Variants in NTM observed in about 807,000 individuals in gnomAD.
NTM encodes the protein neurotrimin.
In NTM, 13 loss-of-function variants were observed where a neutral mutation model predicts 42.1. The ratio of observed to expected loss-of-function variants is 0.31; its 90% CI spans 0.20 to 0.49. The LOEUF (loss-of-function observed/expected upper bound fraction) is 0.49, where lower values mean the gene tolerates loss of function less well. Ranked by LOEUF, NTM falls within the 20% of genes least tolerant of loss-of-function variation. The probability of loss-of-function intolerance (pLI) is 0.99; values close to 1 mark genes in which losing one functional copy is unlikely to be tolerated. For missense variants in NTM, 373 were observed against 452.8 expected (o/e 0.82, Z 1.60); for synonymous variants, 187 against 179.2 (o/e 1.04, Z -0.35).
chr11:131,604,371 T>C (rs2060749072), intron 1 of NTM, among the ~76,000 whole-genome samples: 1 of 152,176 alleles, frequency 6.6e-6, no homozygotes, highest in African/African-American at 2.4e-5. Flanking sequence ...ATTTTTTAAA[T>C]TGAGTATTTG....
chr11:132,326,340 G>T (rs990895954), intron 7 of NTM, among the ~76,000 whole-genome samples: 5 of 151,958 alleles, frequency 3.3e-5, no homozygotes, highest in Admixed American at 6.6e-5. Flanking sequence ...CTCAGGTAGG[G>T]GTTTTTAACA....
intron 4 of NTM, among the ~76,000 whole-genome samples, chr11:132,257,571 C>T (rs2092579947): frequency 6.6e-6 from 1 of 152,174 alleles, no homozygotes; most frequent in African/African-American, 2.4e-5. Flanking sequence ...CTGAAGAAGC[C>T]AGCATGACAA....
chr11:132,029,704 A>G (rs2075675010), intron 2 of NTM, among the ~76,000 whole-genome samples: 1 of 152,212 alleles, frequency 6.6e-6, no homozygotes, highest in Admixed American at 6.5e-5. Context: ...AAATAGAGTG[A>G]ACATCGGCTT....
At chr11:132,164,576 G>A (rs11827507) in intron 3 of NTM, among the ~76,000 whole-genome samples, 43,618 of 151,920 alleles carry the variant, frequency 0.29, 6,895 homozygotes, top group Non-Finnish European at 0.36. Flanking sequence ...GTGGAACCTC[G>A]GTGACGATGG....
At chr11:131,727,454 C>G (rs2079099989) in intron 1 of NTM, among the ~76,000 whole-genome samples, 1 of 152,162 alleles carries the variant, frequency 6.6e-6, no homozygotes, top group Non-Finnish European at 1.5e-5. Context: ...AAAAGGGAGC[C>G]TGCTTGTGAA....
At chr11:132,252,018 C>CCGT (rs2091990842) in intron 4 of NTM, among the ~76,000 whole-genome samples, 1 of 152,170 alleles carries the variant, frequency 6.6e-6, no homozygotes, top group South Asian at 2.1e-4. Context: ...GGAGGCAAGG[C>CCGT]CGTGGCCTTC....
At chr11:131,605,612 G>C (rs1248305135) in intron 1 of NTM, 3 of 163,864 alleles carry the variant, frequency 1.8e-5, no homozygotes, top group African/African-American at 7.2e-5. Flanking sequence ...TCCTAGTACA[G>C]TTCCTAATCT....
chr11:131,413,885 A>G (rs529094103), intron 1 of NTM, among the ~76,000 whole-genome samples: 1 of 152,190 alleles, frequency 6.6e-6, no homozygotes, highest in Admixed American at 6.5e-5. Context: ...AGGGGAGACG[A>G]GGAGGGCAGG....
chr11:131,504,303 T>C (rs6590582), intron 1 of NTM, among the ~76,000 whole-genome samples: 31,436 of 152,008 alleles, frequency 0.21, 5,288 homozygotes, highest in African/African-American at 0.47. Flanking sequence ...GCTCACATTC[T>C]GGAGAAAACA....
chr11:131,792,474 C>T (rs2091067077), intron 1 of NTM, among the ~76,000 whole-genome samples: 1 of 152,126 alleles, frequency 6.6e-6, no homozygotes, highest in Non-Finnish European at 1.5e-5. Flanking sequence ...TGGGATAGAT[C>T]AATCAAATTC....
chr11:132,166,045 G>C (rs1345012436), intron 3 of NTM, among the ~76,000 whole-genome samples: 1 of 152,014 alleles, frequency 6.6e-6, no homozygotes, highest in African/African-American at 2.4e-5. Context: ...TTCACCTAAA[G>C]CTCTTTATGG....
intron 1 of NTM, among the ~76,000 whole-genome samples, chr11:131,802,253 G>T (rs1042451446): frequency 6.6e-6 from 1 of 152,148 alleles, no homozygotes; most frequent in African/African-American, 2.4e-5. Context: ...CTCCCATTTA[G>T]AATTAATTCA....
Position 132,110,113 on chromosome 11 carries a change from A to C in NTM, c.168-36169A>C, listed in dbSNP as rs552902980. Among the ~76,000 whole-genome samples the C allele has an allele frequency of 5.3e-5, 8 of 152,318 alleles. No individual in the cohort carries two copies. The East Asian group carries it at 1.5e-3, about 29-fold the overall frequency. On this transcript the variant is annotated intron_variant, in intron 2 of 8. Transcript: ENST00000683400. Reference sequence around the variant, plus strand: ...GAGAACTTACTGCTCTCTGCAATAAACTTGCATCTTTTTTCTTCCTGTTTC... The same window carrying C: ...GAGAACTTACTGCTCTCTGCAATAACCTTGCATCTTTTTTCTTCCTGTTTC...
chr11:131,767,100 CAAGGCAGT>C (rs1219245891), intron 1 of NTM: 1 of 971,872 alleles, frequency 1.0e-6, no homozygotes, highest in African/African-American at 1.8e-5. Context: ...GAACTCTGGA[CAAGGCAGT>C]AAGTAAGTCT....
chr11:131,589,249 C>T (rs2059155236), intron 1 of NTM, among the ~76,000 whole-genome samples: 1 of 149,798 alleles, frequency 6.7e-6, no homozygotes, highest in South Asian at 2.1e-4. Flanking sequence ...GTCAGAAGAC[C>T]CAGTTTCTTG....
intron 3 of NTM, among the ~76,000 whole-genome samples, chr11:132,204,756 C>G (rs1280294910): frequency 6.6e-6 from 1 of 152,154 alleles, no homozygotes; most frequent in Non-Finnish European, 1.5e-5. Flanking sequence ...TGCTCCATGA[C>G]AGATTCATCT....
chr11:132,066,660 A>G (rs2056544068), intron 2 of NTM, among the ~76,000 whole-genome samples: 1 of 152,118 alleles, frequency 6.6e-6, no homozygotes, highest in African/African-American at 2.4e-5. Context: ...TATTCTTTGG[A>G]TTGATACATT....
chr11:132,106,735 C>T (rs1037485283), intron 2 of NTM, among the ~76,000 whole-genome samples: 6 of 152,154 alleles, frequency 3.9e-5, no homozygotes, highest in Non-Finnish European at 7.4e-5. Flanking sequence ...CTCGGGTGAT[C>T]GTGATGATAC....
chr11:132,064,153 AGAGT>A (rs2081094387), intron 2 of NTM, among the ~76,000 whole-genome samples: 1 of 152,190 alleles, frequency 6.6e-6, no homozygotes. Flanking sequence ...AAGAAAGGTA[AGAGT>A]GAGTCTTTTG....
Sources: gnomAD v4.1 joint callset for allele counts (sites outside exome capture counted in the v4.1 genomes callset) on GRCh38, gnomAD v4.1.1 for gene constraint, MANE v1.5 for transcripts, NCBI Gene and HGNC (gene_info 2026-07-23, HGNC 2026-07-21) for gene names.